The following CDKAL1 variants were observed in gnomAD, a reference collection of about 807,000 sequenced individuals.
CDKAL1 encodes the protein CDKAL1 threonylcarbamoyladenosine tRNA methylthiotransferase, also known as threonylcarbamoyladenosine tRNA methylthiotransferase.
A neutral mutation model predicts 68.2 loss-of-function variants in CDKAL1; 32 were observed. The ratio of observed to expected loss-of-function variants is 0.47; its 90% CI spans 0.35 to 0.63. The LOEUF is 0.63. Among genes scored for constraint, CDKAL1 ranks in the 30% least tolerant of loss-of-function variants. The pLI is 0.00. For synonymous variants in CDKAL1, 234 were observed against 244.3 expected (o/e 0.96, Z 0.39); for missense variants, 606 against 696.7 (o/e 0.87, Z 1.47).
rs765810457 is a variant in CDKAL1 at position 20,781,173 on chromosome 6, A to G, written c.546A>G (p.Lys182=). Residue 182 remains lysine (K), a synonymous_variant, in exon 8 of 16, where the codon AAA becomes AAG. Transcript: ENST00000274695. Reference sequence around the variant, plus strand: ...ACTCTGTGAGACTGCTGGGTCAGAAAAAGGATAATGGAAGGCGGCTTGGGG... The same window carrying G: ...ACTCTGTGAGACTGCTGGGTCAGAAGAAGGATAATGGAAGGCGGCTTGGGG... ...KGHSVRLLGQ[K]KDNGRRLGGA... The G allele has an allele frequency of 3.7e-6, 6 of 1,613,996 alleles. No homozygotes were observed. The highest frequency in any genetic ancestry group is 5.1e-6 in the Non-Finnish European group (6 of 1,179,966).
chr6:20,855,357 C>T (rs1419567924), intron 9 of CDKAL1, among the ~76,000 whole-genome samples: 2 of 134,278 alleles, frequency 1.5e-5, no homozygotes, highest in Non-Finnish European at 3.1e-5. Flanking sequence ...GCAGGAGAAT[C>T]GCTTGAACCC....
chr6:20,637,639 A>G (rs747386045), intron 4 of CDKAL1, among the ~76,000 whole-genome samples: 9 of 152,232 alleles, frequency 5.9e-5, no homozygotes, highest in Non-Finnish European at 1.2e-4. Flanking sequence ...ATTGCCTTTT[A>G]CTTTAAAAAT....
chr6:21,049,490 G>A (rs1431553060), intron 11 of CDKAL1, among the ~76,000 whole-genome samples: 2 of 152,084 alleles, frequency 1.3e-5, no homozygotes, highest in Non-Finnish European at 2.9e-5. Flanking sequence ...TAACAGATGT[G>A]TAAAAATTCT....
chr6:21,229,842 G>C (rs1363417397), intron 15 of CDKAL1, among the ~76,000 whole-genome samples: 3 of 152,198 alleles, frequency 2.0e-5, no homozygotes, highest in Non-Finnish European at 4.4e-5. Flanking sequence ...GAGCCACCCT[G>C]ACAATAGCCA....
intron 11 of CDKAL1, among the ~76,000 whole-genome samples, chr6:21,037,028 A>G (rs1393327710): frequency 6.6e-6 from 1 of 152,172 alleles, no homozygotes; most frequent in Non-Finnish European, 1.5e-5. Flanking sequence ...TTGGAGATGT[A>G]TCTTCTAGAA....
intron 13 of CDKAL1, among the ~76,000 whole-genome samples, chr6:21,126,166 T>G (rs1394116750): frequency 1.3e-5 from 2 of 152,234 alleles, no homozygotes; most frequent in African/African-American, 4.8e-5. Context: ...AGTATTTCCA[T>G]ATTTCATATT....
intron 5 of CDKAL1, chr6:20,723,738 C>A (rs972135641): frequency 6.6e-6 from 1 of 152,118 alleles, no homozygotes; most frequent in Non-Finnish European, 1.5e-5. Context: ...GCCTCTTGCC[C>A]CTTTAGTGGA....
At chr6:21,205,446 C>T (rs1437371354) in intron 15 of CDKAL1, among the ~76,000 whole-genome samples, 1 of 151,458 alleles carries the variant, frequency 6.6e-6, no homozygotes, top group Non-Finnish European at 1.5e-5. Flanking sequence ...AGTCTCTCCA[C>T]ATTCACACCA....
chr6:20,943,985 G>A (rs949872485), intron 9 of CDKAL1, among the ~76,000 whole-genome samples: 4 of 152,194 alleles, frequency 2.6e-5, no homozygotes, highest in African/African-American at 9.7e-5. Flanking sequence ...CCAGAGACTT[G>A]AGGGGAGCCC....
intron 8 of CDKAL1, among the ~76,000 whole-genome samples, chr6:20,786,905 CTTTAT>C (rs2150384479): frequency 6.6e-6 from 1 of 152,154 alleles, no homozygotes; most frequent in East Asian, 1.9e-4. Flanking sequence ...GACATCTGTG[CTTTAT>C]TTTACCTTCT....
chr6:20,873,943 G>GT (rs1461307372), intron 9 of CDKAL1, among the ~76,000 whole-genome samples: 2 of 152,190 alleles, frequency 1.3e-5, no homozygotes, highest in Non-Finnish European at 2.9e-5. Flanking sequence ...AGGTTAAGGA[G>GT]TAGTAGGGCA....
At chr6:20,574,011 AT>A (rs1764814426) in intron 4 of CDKAL1, among the ~76,000 whole-genome samples, 1 of 152,192 alleles carries the variant, frequency 6.6e-6, no homozygotes, top group Non-Finnish European at 1.5e-5. Flanking sequence ...CAACACTGAT[AT>A]GGTTAGTATT....
At chr6:20,697,162 A>T (rs1771143435) in intron 5 of CDKAL1, among the ~76,000 whole-genome samples, 1 of 152,318 alleles carries the variant, frequency 6.6e-6, no homozygotes, top group African/African-American at 2.4e-5. Context: ...TGCAAAAACT[A>T]GTGTGAAGAT....
chr6:20,787,348 T>G (rs759655427), intron 8 of CDKAL1, among the ~76,000 whole-genome samples: 9 of 152,200 alleles, frequency 5.9e-5, no homozygotes, highest in Non-Finnish European at 1.2e-4. Flanking sequence ...TGTACAAAAT[T>G]TATCAGTTCC....
intron 13 of CDKAL1, among the ~76,000 whole-genome samples, chr6:21,192,738 A>C (rs1296115931): frequency 6.6e-6 from 1 of 152,020 alleles, no homozygotes; most frequent in Non-Finnish European, 1.5e-5. Context: ...CATAAACTAT[A>C]TGCCTATAAA....
chr6:20,546,511 C>G lies in CDKAL1; in HGVS notation c.161C>G (p.Pro54Arg), dbSNP rs146527771. The G allele has an allele frequency of 6.2e-7, 1 of 1,611,798 alleles. No homozygotes were observed. Among genetic ancestry groups the G allele is most frequent in the Admixed American group, 1.7e-5 (1 of 59,202 alleles). ...TATTTGCAAGAGGAAGAAAACAGTC[C>G]ACCAAGTGACAGGTAAGCTTTTTTC... ...QKYLQEEENS[P>R]PSDSTIPGIQ... is the part of the protein sequence containing the mutation. Residue 54 changes from proline to arginine, a missense_variant, in exon 3 of 16, where the codon CCA (proline) becomes CGA (arginine). Transcript: ENST00000274695.
rs547923386 is a variant in CDKAL1 at position 21,093,694 on chromosome 6, C to CTTT, written c.1237-14669_1237-14667dup. ...ATAACCAACTGAGCTGCTGCTGCTG[C>CTTT]TTTTTTTTTTTTTTTTTTTTTTTTT... On this transcript the variant is annotated intron_variant, in intron 12 of 15. Coordinates refer to ENST00000274695, the MANE Select transcript of CDKAL1 (RefSeq NM_017774.3). 1.7e-4 allele frequency among the ~76,000 whole-genome samples: 15 copies of CTTT among 88,086 alleles called. 2 individuals are homozygous for CTTT. The highest frequency in any genetic ancestry group is 2.3e-4 in the African/African-American group (5 of 21,938). The allele number at this position is 88,086 out of a possible 152,430, so 57.8% of individuals were successfully genotyped here.
At chr6:20,808,176 A>T (rs549795830) in intron 8 of CDKAL1, among the ~76,000 whole-genome samples, 2 of 152,336 alleles carry the variant, frequency 1.3e-5, no homozygotes, top group African/African-American at 4.8e-5. Context: ...TTGCTAGGGC[A>T]TTTTACCTTT....
At chr6:21,057,342 G>A (rs1770890094) in intron 11 of CDKAL1, among the ~76,000 whole-genome samples, 1 of 151,730 alleles carries the variant, frequency 6.6e-6, no homozygotes, top group African/African-American at 2.4e-5. Context: ...ATGGTTGGTT[G>A]TATTTTTTTG....
Sources: allele counts gnomAD v4.1 joint callset (sites outside exome capture counted in the v4.1 genomes callset), GRCh38; gene constraint gnomAD v4.1.1; transcripts MANE v1.5; gene names NCBI Gene and HGNC (gene_info 2026-07-23, HGNC 2026-07-21).